The following COL21A1 variants were observed in gnomAD, a reference collection of about 807,000 sequenced individuals.
The protein encoded by COL21A1 is collagen type XXI alpha 1 chain, also known as collagen alpha-1(XXI) chain.
In COL21A1, 149 loss-of-function variants were observed where a neutral mutation model predicts 137.9. The ratio of observed to expected loss-of-function variants is 1.08; its 90% CI spans 0.95 to 1.24. COL21A1 has a LOEUF of 1.24. Among genes scored for constraint, COL21A1 ranks in the 50% most tolerant of loss-of-function variants. COL21A1 has a pLI of 0.00. For synonymous variants in COL21A1, 456 were observed against 391.5 expected (o/e 1.16, Z -1.95); for missense variants, 1,167 against 1,158.4 (o/e 1.01, Z -0.11).
At chr6:56,293,198 T>C (rs999199234) in intron 1 of COL21A1, among the ~76,000 whole-genome samples, 2 of 152,192 alleles carry the variant, frequency 1.3e-5, no homozygotes, top group Non-Finnish European at 2.9e-5. Context: ...AACTTTTACG[T>C]GAAATAAAAT....
chr6:56,357,072 A>T (rs1024337555), intron 1 of COL21A1, among the ~76,000 whole-genome samples: 5 of 152,164 alleles, frequency 3.3e-5, no homozygotes, highest in Non-Finnish European at 7.4e-5. Flanking sequence ...GAACTGAAAC[A>T]ATCACTCCTC....
At position 56,245,355 on chromosome 6, in the gene COL21A1, C is replaced by T. The variant is rs1782577286; in HGVS notation, c.-39+2032G>A. On this transcript the variant is annotated intron_variant, in intron 1 of 29. Transcript: ENST00000244728. ...CCTAGGCTATTGATTTGAAGCTAAT[C>T]TAAAACTTTTTCCAGAAAGTTCCAT... 2.0e-5 allele frequency among the ~76,000 whole-genome samples: 3 copies of T among 152,230 alleles called. No individual in the cohort carries two copies. In the South Asian group the frequency reaches 6.2e-4, roughly 32 times the overall value.
At chr6:56,346,341 G>A (rs9382622) in intron 1 of COL21A1, among the ~76,000 whole-genome samples, 107,224 of 152,098 alleles carry the variant, frequency 0.7, 38,159 homozygotes, top group East Asian at 0.93. Context: ...GATTGATACA[G>A]CATGTACTCT....
chr6:56,118,966 G>C (rs1772197917), intron 16 of COL21A1, among the ~76,000 whole-genome samples: 1 of 151,862 alleles, frequency 6.6e-6, no homozygotes, highest in African/African-American at 2.4e-5. Context: ...CCCACAGCTA[G>C]CATCATACTG....
chr6:56,218,965 T>C (rs1444740774), intron 1 of COL21A1, among the ~76,000 whole-genome samples: 1 of 152,040 alleles, frequency 6.6e-6, no homozygotes, highest in Non-Finnish European at 1.5e-5. Flanking sequence ...TCTATGGTCG[T>C]TCGGCATTTG....
At chr6:56,142,026 AT>A in intron 10 of COL21A1, 43 bp from the exon 11 acceptor site, 1 of 1,369,208 alleles carries the variant, frequency 7.3e-7, no homozygotes. Flanking sequence ...ATTTCATCAT[AT>A]TTACCAAGAG....
intron 3 of COL21A1, among the ~76,000 whole-genome samples, chr6:56,172,299 T>C (rs746263338): frequency 6.6e-6 from 1 of 152,134 alleles, no homozygotes; most frequent in Non-Finnish European, 1.5e-5. Flanking sequence ...ACTTGTTATG[T>C]ACAAGGGAAC....
intron 1 of COL21A1, among the ~76,000 whole-genome samples, chr6:56,307,651 C>T (rs574690478): frequency 1.7e-4 from 26 of 152,336 alleles, no homozygotes. Flanking sequence ...AAAGGGAATT[C>T]CCTGACCCCT....
chr6:56,385,415 CT>C (rs1359948633), intron 1 of COL21A1, among the ~76,000 whole-genome samples: 1 of 152,172 alleles, frequency 6.6e-6, no homozygotes, highest in African/African-American at 2.4e-5. Context: ...CCTTTTCCAG[CT>C]TCTAGAGCAT....
At position 56,373,864 on chromosome 6, in the gene COL21A1, AT is replaced by A. The variant is rs2093994432; in HGVS notation, c.-39+20106del. ...AACTTATTGTTTCTGTGTAACGGAA[AT>A]TGTATATCCTTTGACCAACATCTCC... On this transcript the variant is annotated intron_variant, in intron 1 of 28. Coordinates refer to the COL21A1 transcript ENST00000370819. 2.0e-5 allele frequency among the ~76,000 whole-genome samples: 3 copies of A among 152,336 alleles called. No individual in the cohort carries two copies. In the South Asian group the frequency reaches 6.2e-4, roughly 32 times the overall value.
intron 1 of COL21A1, among the ~76,000 whole-genome samples, chr6:56,263,729 A>G (rs1763334985): frequency 6.6e-6 from 1 of 152,190 alleles, no homozygotes. Flanking sequence ...TTTTGTTGTT[A>G]CCCAAGACTC....
chr6:56,318,591 A>T (rs924810050), intron 1 of COL21A1, among the ~76,000 whole-genome samples: 3 of 151,824 alleles, frequency 2.0e-5, no homozygotes, highest in African/African-American at 7.3e-5. Flanking sequence ...CTTATCCTCC[A>T]TCTCTGTCCA....
At chr6:56,099,882 T>C (rs969260772) in intron 17 of COL21A1, among the ~76,000 whole-genome samples, 2 of 152,170 alleles carry the variant, frequency 1.3e-5, no homozygotes, top group Non-Finnish European at 2.9e-5. Context: ...ACTTCATGCC[T>C]GGTCTGTCAA....
chr6:56,161,792 A>T (rs753816094), intron 9 of COL21A1, among the ~76,000 whole-genome samples: 1 of 152,158 alleles, frequency 6.6e-6, no homozygotes, highest in Non-Finnish European at 1.5e-5. Flanking sequence ...TGTCATTTTG[A>T]CCTGGTTTTG....
intron 1 of COL21A1, among the ~76,000 whole-genome samples, chr6:56,305,735 T>A (rs926118086): frequency 6.6e-6 from 1 of 152,066 alleles, no homozygotes; most frequent in Non-Finnish European, 1.5e-5. Flanking sequence ...TCCATTTACA[T>A]TTAAGGTTAA....
rs200970274 is a variant in COL21A1 at position 56,387,221 on chromosome 6, ACCATGTTAG to A, written c.-39+6741_-39+6749del. On this transcript the variant is annotated intron_variant, in intron 1 of 28. Coordinates refer to the COL21A1 transcript ENST00000370819. ...TTGTTAATTAACTGAATTAATTTAA[ACCATGTTAG>A]CCTCTAAATATTCGTCACCCTGTTT... 8.7e-3 allele frequency among the ~76,000 whole-genome samples: 1,330 copies of A among 152,334 alleles called. 6 individuals are homozygous for A. The highest frequency in any genetic ancestry group is 0.031 in the African/African-American group (1,271 of 41,560).
intron 1 of COL21A1, among the ~76,000 whole-genome samples, chr6:56,342,370 T>C (rs1357035537): frequency 6.6e-6 from 1 of 152,236 alleles, no homozygotes; most frequent in Non-Finnish European, 1.5e-5. Flanking sequence ...GTTGTTTTAA[T>C]GCGGTTCATC....
chr6:56,061,180 C>A, intron 25 of COL21A1, 143 bp from the exon 26 acceptor site: 1 of 704,852 alleles, frequency 1.4e-6, no homozygotes, highest in Non-Finnish European at 2.2e-6. Flanking sequence ...GAAATATTGT[C>A]ATTGACCAGA....
At chr6:56,259,617 T>C (rs1763202614) in intron 1 of COL21A1, among the ~76,000 whole-genome samples, 3 of 152,254 alleles carry the variant, frequency 2.0e-5, no homozygotes, top group African/African-American at 7.2e-5. Flanking sequence ...TTCTAAGAAT[T>C]GGGCACATCC....
Sources: allele counts gnomAD v4.1 joint callset (sites outside exome capture counted in the v4.1 genomes callset), GRCh38; gene constraint gnomAD v4.1.1; transcripts MANE v1.5; gene names NCBI Gene and HGNC (gene_info 2026-07-23, HGNC 2026-07-21).